CDYL: variants seen among roughly 807,000 people sequenced by gnomAD.
The protein encoded by CDYL is chromodomain Y like.
CDYL carries 8 observed loss-of-function variants against 47.3 expected under a neutral mutation model. That is an observed-to-expected ratio of 0.17 (90% CI 0.10 to 0.31). The LOEUF (loss-of-function observed/expected upper bound fraction) is 0.31. Among genes scored for constraint, CDYL ranks in the 10% least tolerant of loss-of-function variants. The pLI is 1.00. For missense variants in CDYL, 471 were observed against 701.4 expected (o/e 0.67, Z 3.71); for synonymous variants, 266 against 265.0 (o/e 1.00, Z -0.04).
At chr6:4,807,961 GTATTCT>G (rs1759420999) in intron 1 of CDYL, among the ~76,000 whole-genome samples, 1 of 151,950 alleles carries the variant, frequency 6.6e-6, no homozygotes, top group African/African-American at 2.4e-5. Context: ...TTATAATCCA[GTATTCT>G]TATTCTGTTA....
intron 2 of CDYL, among the ~76,000 whole-genome samples, chr6:4,918,864 A>G (rs1757630548): frequency 6.6e-6 from 1 of 152,212 alleles, no homozygotes; most frequent in Admixed American, 6.5e-5. Context: ...TTTCTGATTT[A>G]GGAGTCCAAA....
intron 1 of CDYL, among the ~76,000 whole-genome samples, chr6:4,879,078 T>C (rs1761693051): frequency 6.6e-6 from 1 of 152,198 alleles, no homozygotes; most frequent in Non-Finnish European, 1.5e-5. Context: ...CATTCACTCT[T>C]TTAAAATTTT....
chr6:4,895,259 ATGTATACATGTATG>A (rs1762206229), intron 2 of CDYL, among the ~76,000 whole-genome samples: 1 of 34,158 alleles, frequency 2.9e-5, no homozygotes, highest in African/African-American at 7.3e-5. Context: ...ATATATGTGC[ATGTATACATGTATG>A]TATATATGTG....
intron 1 of CDYL, among the ~76,000 whole-genome samples, chr6:4,881,558 G>A (rs1196002102): frequency 6.6e-6 from 1 of 152,128 alleles, no homozygotes; most frequent in African/African-American, 2.4e-5. Context: ...ACCACCTTAT[G>A]TAAAGCAGAA....
At chr6:4,857,242 C>G (rs553418011) in intron 1 of CDYL, among the ~76,000 whole-genome samples, 1 of 152,148 alleles carries the variant, frequency 6.6e-6, no homozygotes, top group Admixed American at 6.5e-5. Flanking sequence ...ACCATCACCA[C>G]CAAACATCGC....
chr6:4,791,655 G>A (rs1421983139), intron 1 of CDYL, among the ~76,000 whole-genome samples: 3 of 151,786 alleles, frequency 2.0e-5, no homozygotes, highest in East Asian at 3.9e-4. Context: ...AGTGTGGGAC[G>A]TATATAATTT....
At chr6:4,804,208 A>G (rs1759306125) in intron 1 of CDYL, among the ~76,000 whole-genome samples, 1 of 152,158 alleles carries the variant, frequency 6.6e-6, no homozygotes, top group Admixed American at 6.5e-5. Context: ...CCTGTTTTAC[A>G]GGAGGAAGGT....
At chr6:4,911,048 G>T (rs1013467345) in intron 2 of CDYL, among the ~76,000 whole-genome samples, 1 of 152,012 alleles carries the variant, frequency 6.6e-6, no homozygotes, top group African/African-American at 2.4e-5. Context: ...CCGTGGTCTC[G>T]ATCTCTTGAC....
At chr6:4,855,756 C>G (rs1407445742) in intron 1 of CDYL, among the ~76,000 whole-genome samples, 1 of 152,180 alleles carries the variant, frequency 6.6e-6, no homozygotes, top group Non-Finnish European at 1.5e-5. Flanking sequence ...CTATGGGCAA[C>G]ACACACTGTT....
chr6:4,928,808 ATTTATATT>A (rs1006203675), intron 2 of CDYL: 1 of 151,568 alleles, frequency 6.6e-6, no homozygotes, highest in Non-Finnish European at 1.5e-5. Flanking sequence ...AGTCTCGAGA[ATTTATATT>A]TTTCCAAAGA....
At chr6:4,938,871 C>G (rs1758281416) in intron 4 of CDYL, among the ~76,000 whole-genome samples, 1 of 152,166 alleles carries the variant, frequency 6.6e-6, no homozygotes, top group African/African-American at 2.4e-5. Flanking sequence ...CTTAATTCGT[C>G]TAAAATCATA....
At chr6:4,926,387 C>A (rs1217283572) in intron 2 of CDYL, among the ~76,000 whole-genome samples, 1 of 152,156 alleles carries the variant, frequency 6.6e-6, no homozygotes, top group African/African-American at 2.4e-5. Flanking sequence ...TGCTATAGTC[C>A]TTGCTTTTTA....
intron 2 of CDYL, among the ~76,000 whole-genome samples, chr6:4,902,655 T>C (rs1273850230): frequency 1.3e-5 from 2 of 152,192 alleles, no homozygotes; most frequent in African/African-American, 2.4e-5. Flanking sequence ...TTTATCTCCT[T>C]TTTAATTTGA....
At chr6:4,845,764 A>G (rs1256465148) in intron 1 of CDYL, among the ~76,000 whole-genome samples, 1 of 152,220 alleles carries the variant, frequency 6.6e-6, no homozygotes, top group Non-Finnish European at 1.5e-5. Flanking sequence ...ATCACAAAGC[A>G]TCAACTTTTG....
intron 3 of CDYL, among the ~76,000 whole-genome samples, chr6:4,735,130 T>A (rs971844238): frequency 8.6e-4 from 130 of 151,940 alleles, no homozygotes; most frequent in African/African-American, 2.9e-3. Context: ...CTACTAAAAA[T>A]ACAAAATTTG....
chr6:4,901,930 A>G (rs957985790), intron 2 of CDYL, among the ~76,000 whole-genome samples: 4 of 152,140 alleles, frequency 2.6e-5, no homozygotes, highest in Admixed American at 1.3e-4. Flanking sequence ...CATGGAAGCA[A>G]GGTGCCCCCG....
At chr6:4,843,524 TA>T (rs377639175) in intron 1 of CDYL, among the ~76,000 whole-genome samples, 4,756 of 149,404 alleles carry the variant, frequency 0.032, 248 homozygotes, top group African/African-American at 0.11. Context: ...TTTTTTTTTT[TA>T]ATTCTTTTTT....
intron 1 of CDYL, among the ~76,000 whole-genome samples, chr6:4,807,392 C>T (rs987472594): frequency 3.9e-4 from 59 of 152,162 alleles, no homozygotes; most frequent in African/African-American, 1.3e-3. Flanking sequence ...ATCTTGGGGA[C>T]GATAACTTTG....
chr6:4,914,242 C>T (rs1270097801), intron 2 of CDYL, among the ~76,000 whole-genome samples: 1 of 143,950 alleles, frequency 6.9e-6, no homozygotes, highest in Non-Finnish European at 1.5e-5. Context: ...CTTCCTTTGG[C>T]ACTAGTAGAT....
Sources: gnomAD v4.1 joint callset for allele counts (sites outside exome capture counted in the v4.1 genomes callset) on GRCh38, gnomAD v4.1.1 for gene constraint, MANE v1.5 for transcripts, NCBI Gene and HGNC (gene_info 2026-07-23, HGNC 2026-07-21) for gene names.